ITSN2: variants seen among roughly 807,000 people sequenced by gnomAD.
The protein encoded by ITSN2 is intersectin-2.
ITSN2 carries 156 observed loss-of-function variants against 243.7 expected under a neutral mutation model. The ratio of observed to expected loss-of-function variants is 0.64; its 90% CI spans 0.56 to 0.73. ITSN2 has a LOEUF of 0.73. Ranked by LOEUF, ITSN2 falls within the 30% of genes least tolerant of loss-of-function variation. ITSN2 has a pLI of 0.00. For missense variants in ITSN2, 1,801 were observed against 1,996.1 expected (o/e 0.90, Z 1.86); for synonymous variants, 703 against 699.9 (o/e 1.00, Z -0.07).
chr2:24,347,379 T>C (rs948078359), intron 1 of ITSN2, among the ~76,000 whole-genome samples: 2 of 46,422 alleles, frequency 4.3e-5, no homozygotes, highest in Admixed American at 2.8e-4. Context: ...TTATATAATG[T>C]AATTAAAAAA....
chr2:24,234,462 C>T (rs1290613726), intron 29 of ITSN2, among the ~76,000 whole-genome samples: 1 of 151,910 alleles, frequency 6.6e-6, no homozygotes, highest in Non-Finnish European at 1.5e-5. Context: ...AGATATGATA[C>T]CAAAGACACA....
At chr2:24,213,753 G>A (rs1224154129) in intron 32 of ITSN2, among the ~76,000 whole-genome samples, 1 of 152,152 alleles carries the variant, frequency 6.6e-6, no homozygotes, top group Non-Finnish European at 1.5e-5. Context: ...ACAATTCTCA[G>A]TTTATCTCAT....
At chr2:24,337,205 T>C (rs1686474995) in intron 1 of ITSN2, among the ~76,000 whole-genome samples, 1 of 149,284 alleles carries the variant, frequency 6.7e-6, no homozygotes, top group Non-Finnish European at 1.5e-5. Flanking sequence ...ATTAAATAAA[T>C]TTGACGAATG....
intron 1 of ITSN2, among the ~76,000 whole-genome samples, chr2:24,359,733 A>G (rs1396308158): frequency 2.0e-5 from 3 of 152,100 alleles, no homozygotes; most frequent in South Asian, 2.1e-4. Flanking sequence ...GCTGAAGGTA[A>G]ATTTAACATT....
intron 1 of ITSN2, among the ~76,000 whole-genome samples, chr2:24,356,653 C>T (rs1440102082): frequency 6.6e-6 from 1 of 151,944 alleles, no homozygotes; most frequent in Non-Finnish European, 1.5e-5. Context: ...GTGGCTCAAG[C>T]CTGTAATCCC....
intron 2 of ITSN2, among the ~76,000 whole-genome samples, chr2:24,327,293 T>C (rs1685255865): frequency 6.6e-6 from 1 of 151,936 alleles, no homozygotes; most frequent in Non-Finnish European, 1.5e-5. Flanking sequence ...ATTTTCTTTT[T>C]CTTTTTCTTT....
At chr2:24,245,747 T>A (rs1673282318) in intron 29 of ITSN2, among the ~76,000 whole-genome samples, 3 of 152,186 alleles carry the variant, frequency 2.0e-5, no homozygotes, top group Admixed American at 1.3e-4. Context: ...CCCAAAGTGC[T>A]GGGATTATGG....
In ITSN2 at chr2:24,337,932, C is replaced by T. The variant is rs796773461; in HGVS notation, c.-33-9817G>A. Among the ~76,000 whole-genome samples, 9 of 152,220 alleles carry T rather than the reference C, an allele frequency of 5.9e-5. 1 individual carries two copies. The highest frequency in any genetic ancestry group is 2.2e-4 in the African/African-American group (9 of 41,528). On this transcript the variant is annotated intron_variant, in intron 1 of 39. Coordinates refer to ENST00000355123, the MANE Select transcript of ITSN2 (RefSeq NM_006277.3). ...TGTCTCATTTAGTTCCCAAGGAGAT[C>T]AAGGTCAGTTCTCTATGAATGTAAA...
intron 1 of ITSN2, among the ~76,000 whole-genome samples, chr2:24,328,590 G>A (rs1355999012): frequency 1.3e-5 from 2 of 151,884 alleles, no homozygotes; most frequent in Non-Finnish European, 2.9e-5. Context: ...GGCCACCTGA[G>A]TAGCTGGGAC....
At chr2:24,316,368 C>G (rs1451792669) in intron 2 of ITSN2, among the ~76,000 whole-genome samples, 5 of 152,138 alleles carry the variant, frequency 3.3e-5, no homozygotes, top group African/African-American at 1.2e-4. Context: ...GCAGCCTCCG[C>G]CTCCTGGGTT....
At chr2:24,254,166 A>G (rs957434188) in intron 24 of ITSN2, among the ~76,000 whole-genome samples, 4 of 152,166 alleles carry the variant, frequency 2.6e-5, no homozygotes, top group Admixed American at 2.6e-4. Context: ...AGTGCCAAGT[A>G]TTTTCACCCA....
chr2:24,209,450 T>G (rs1187879826), intron 35 of ITSN2, among the ~76,000 whole-genome samples: 1 of 152,172 alleles, frequency 6.6e-6, no homozygotes, highest in Non-Finnish European at 1.5e-5. Flanking sequence ...TGGGACTGGG[T>G]GGGGACAGGA....
At chr2:24,334,049 C>T (rs1574348805) in intron 1 of ITSN2, among the ~76,000 whole-genome samples, 1 of 151,878 alleles carries the variant, frequency 6.6e-6, no homozygotes, top group South Asian at 2.1e-4. Flanking sequence ...GCCACCACAC[C>T]TGGCTAATTT....
chr2:24,212,651 C>G lies in ITSN2; in HGVS notation c.4088G>C (p.Ser1363Thr), dbSNP rs146765583. The change falls in exon 33 of 40, where the codon AGT becomes ACT. Residue 1363 changes from serine (S) to threonine (T), a missense_variant and splice_region_variant. Coordinates refer to ENST00000355123, the MANE Select transcript of ITSN2 (RefSeq NM_006277.3). ...CCACTGCCCGGCCTGCACACTCACA[C>G]TTCTGATGAGCAGTGGGTAGCGGGT... is the stretch of plus-strand genomic sequence containing the variant. ...RITRYPLLIR[S>T]ILENTPESHA... 4.0e-4 allele frequency: 639 copies of G among 1,607,600 alleles called. 3 individuals are homozygous for G. In the African/African-American group the frequency reaches 8.1e-3, roughly 20 times the overall value.
Position 24,258,060 on chromosome 2 carries a change from G to A in ITSN2, c.2716C>T (p.Leu906Phe). Residue 906 changes from leucine to phenylalanine, a missense_variant, in exon 23 of 40, where the codon CTT becomes TTT. Around this residue, in one of 5 missense-constraint regions of ITSN2, gnomAD observed 928 missense variants for 1,065.4 expected, o/e 0.87. Transcript: ENST00000355123. ...TCTTTCTTTGCAGTCCAGGAACAAA[G>A]GGCCTGTGCTTTTAAGTTTTCTACC... The part of the protein sequence containing the change: ...QVVENLKAQA[L>F]CSWTAKKDNH... The A allele has an allele frequency of 6.2e-7, 1 of 1,614,092 alleles. No homozygotes were observed. Among genetic ancestry groups the A allele is most frequent in the Non-Finnish European group, 8.5e-7 (1 of 1,179,964 alleles).
intron 27 of ITSN2, among the ~76,000 whole-genome samples, chr2:24,247,833 A>T (rs1673585032): frequency 6.6e-6 from 1 of 152,206 alleles, no homozygotes; most frequent in Non-Finnish European, 1.5e-5. Flanking sequence ...AAAATTTGTA[A>T]AGAGTCATGT....
chr2:24,286,405 C>T (rs551783871), intron 15 of ITSN2, 54 bp from the exon 16 acceptor site: 80 of 1,498,528 alleles, frequency 5.3e-5, no homozygotes, highest in Non-Finnish European at 7.3e-5. Context: ...TATGTCATTA[C>T]CAGCATGTCA....
At chr2:24,248,934 A>G (rs758691339) in intron 25 of ITSN2, 52 bp from the exon 26 acceptor site, 6 of 1,532,376 alleles carry the variant, frequency 3.9e-6, no homozygotes, top group South Asian at 3.4e-5. Context: ...ATCCAAATGT[A>G]AAAGTATAAA....
At chr2:24,358,374 G>A (rs1688644653) in intron 1 of ITSN2, among the ~76,000 whole-genome samples, 1 of 152,178 alleles carries the variant, frequency 6.6e-6, no homozygotes, top group South Asian at 2.1e-4. Context: ...CCTTTTTGAT[G>A]GGAAGATAAT....
Sources: allele counts gnomAD v4.1 joint callset (sites outside exome capture counted in the v4.1 genomes callset), GRCh38; gene constraint gnomAD v4.1.1; regional missense constraint gnomAD v4.1.1; transcripts MANE v1.5; gene names NCBI Gene and HGNC (gene_info 2026-07-23, HGNC 2026-07-21).